The following SIPA1L3 variants were observed in gnomAD, a reference collection of about 807,000 sequenced individuals.
SIPA1L3 encodes the protein signal induced proliferation associated 1 like 3.
In SIPA1L3, 59 loss-of-function variants were observed where a neutral mutation model predicts 150.1. That is an observed-to-expected ratio of 0.39 (90% CI 0.32 to 0.49). The LOEUF is 0.49. SIPA1L3 is among the 20% of genes least tolerant of loss of function. The pLI is 0.86. For synonymous variants in SIPA1L3, 1,070 were observed against 1,077.6 expected, an observed-to-expected ratio of 0.99 and a Z score of 0.14; for missense variants, 2,211 against 2,489.5, an observed-to-expected ratio of 0.89 and a Z score of 2.38.
intron 1 of SIPA1L3, among the ~76,000 whole-genome samples, chr19:37,934,155 C>G (rs1884954056): frequency 6.6e-6 from 1 of 152,160 alleles, no homozygotes; most frequent in South Asian, 2.1e-4. Context: ...GCAATTGATT[C>G]TGTAAAAATA....
chr19:38,191,985 G>C (rs895691713), intron 16 of SIPA1L3, among the ~76,000 whole-genome samples, 160 bp from the exon 17 acceptor site: 5 of 152,168 alleles, frequency 3.3e-5, no homozygotes, highest in Admixed American at 6.6e-5. Context: ...GTGGAAGAAG[G>C]GAATGGAGCC....
At chr19:37,969,788 T>C (rs1173788821) in intron 1 of SIPA1L3, among the ~76,000 whole-genome samples, 4 of 152,162 alleles carry the variant, frequency 2.6e-5, no homozygotes. Flanking sequence ...CCCTCAGATC[T>C]TAGCCTAAAT....
chr19:38,142,799 T>G, intron 12 of SIPA1L3, 89 bp downstream of exon 12: 1 of 1,460,162 alleles, frequency 6.8e-7, no homozygotes, highest in Non-Finnish European at 9.3e-7. Context: ...CCCACAATTC[T>G]AGTTGCCATT....
At chr19:38,195,801 C>CA (rs1972912732) in intron 18 of SIPA1L3, among the ~76,000 whole-genome samples, 1 of 102,600 alleles carries the variant, frequency 9.7e-6, no homozygotes, top group Non-Finnish European at 2.0e-5. Context: ...CGTCCCCCCC[C>CA]GCCCCCCCGG....
chr19:37,973,239 T>C (rs1262465823), intron 1 of SIPA1L3, among the ~76,000 whole-genome samples: 21 of 149,578 alleles, frequency 1.4e-4, no homozygotes, highest in African/African-American at 4.9e-4. Context: ...GCGCATCTTT[T>C]TTTTTTTTTT....
intron 2 of SIPA1L3, among the ~76,000 whole-genome samples, chr19:38,055,294 G>C (rs575292586): frequency 6.6e-6 from 1 of 152,204 alleles, no homozygotes; most frequent in Non-Finnish European, 1.5e-5. Flanking sequence ...CTGTTGGGGG[G>C]TGCAGGGACA....
intron 1 of SIPA1L3, among the ~76,000 whole-genome samples, chr19:37,987,226 A>G (rs113014107): frequency 0.024 from 3,573 of 152,034 alleles, 135 homozygotes; most frequent in African/African-American, 0.079. Context: ...CCGCGCCCGG[A>G]CACATCTGCT....
At chr19:38,068,193 T>G (rs1169100431) in intron 2 of SIPA1L3, among the ~76,000 whole-genome samples, 2 of 151,756 alleles carry the variant, frequency 1.3e-5, no homozygotes, top group African/African-American at 2.4e-5. Flanking sequence ...CGGCTGATTT[T>G]TTTTCTTCAT....
At chr19:38,032,532 G>A (rs1375971947) in intron 2 of SIPA1L3, among the ~76,000 whole-genome samples, 1 of 152,178 alleles carries the variant, frequency 6.6e-6, no homozygotes, top group African/African-American at 2.4e-5. Flanking sequence ...GAATAAAACA[G>A]TAAACAGATA....
At chr19:38,117,085 C>T (rs898716437) in intron 8 of SIPA1L3, among the ~76,000 whole-genome samples, 1 of 152,194 alleles carries the variant, frequency 6.6e-6, no homozygotes, top group Non-Finnish European at 1.5e-5. Flanking sequence ...CTCCTTCCGC[C>T]CAGAAGCCTC....
At chr19:38,168,530 A>G (rs1371029026) in intron 15 of SIPA1L3, among the ~76,000 whole-genome samples, 2 of 152,140 alleles carry the variant, frequency 1.3e-5, no homozygotes, top group Admixed American at 1.3e-4. Flanking sequence ...ACGAAGAGGG[A>G]CATGAAGCCA....
chr19:37,938,303 A>G (rs981502566), intron 1 of SIPA1L3, among the ~76,000 whole-genome samples: 3 of 152,206 alleles, frequency 2.0e-5, no homozygotes, highest in African/African-American at 7.2e-5. Context: ...CCTGGTGCAC[A>G]TGGACAAGCA....
intron 2 of SIPA1L3, among the ~76,000 whole-genome samples, chr19:38,063,280 G>C (rs1969494726): frequency 1.3e-5 from 2 of 151,800 alleles, no homozygotes; most frequent in South Asian, 4.2e-4. Flanking sequence ...CCGGCCCCCA[G>C]CTCCCATCCC....
intron 9 of SIPA1L3, among the ~76,000 whole-genome samples, chr19:38,123,998 A>C (rs1288748707): frequency 2.4e-5 from 3 of 127,270 alleles, no homozygotes; most frequent in Non-Finnish European, 4.9e-5. Flanking sequence ...TCCCTCCCGG[A>C]CGGGGCGGAT....
intron 2 of SIPA1L3, among the ~76,000 whole-genome samples, chr19:38,051,392 A>G (rs1281520092): frequency 2.0e-5 from 3 of 152,138 alleles, no homozygotes; most frequent in African/African-American, 7.2e-5. Context: ...GTAGTGCTGC[A>G]GTGGGGAGCC....
intron 1 of SIPA1L3, among the ~76,000 whole-genome samples, chr19:37,944,603 G>A (rs538936374): frequency 3.3e-5 from 5 of 152,302 alleles, no homozygotes; most frequent in Admixed American, 2.0e-4. Flanking sequence ...TAGCATGTTT[G>A]TTAAGTACAG....
At chr19:37,947,941 G>A (rs1271451740) in intron 1 of SIPA1L3, among the ~76,000 whole-genome samples, 1 of 152,204 alleles carries the variant, frequency 6.6e-6, no homozygotes, top group Non-Finnish European at 1.5e-5. Flanking sequence ...CAAGACTTCT[G>A]TGGCAATGTC....
rs1167985202 is a variant in SIPA1L3 at position 38,100,378 on chromosome 19, G to A, written c.1854+228G>A. Among the ~76,000 whole-genome samples, 7 of 152,202 alleles carry A rather than the reference G, an allele frequency of 4.6e-5. No individual in the cohort carries two copies. The East Asian group carries it at 1.3e-3, about 29-fold the overall frequency. The stretch of plus-strand genomic sequence containing the variant: ...GAGATTGTCTGGGGGTGAGATAGCT[G>A]CTAGGTCCCCATGTGTGCATGCATA... On this transcript the variant is annotated intron_variant, in intron 5 of 21. Coordinates refer to ENST00000222345, the MANE Select transcript of SIPA1L3 (RefSeq NM_015073.3).
intron 1 of SIPA1L3, among the ~76,000 whole-genome samples, chr19:37,987,876 C>A (rs935805182): frequency 3.3e-5 from 5 of 152,190 alleles, no homozygotes; most frequent in African/African-American, 1.2e-4. Context: ...GGATAATAAA[C>A]GGAGCTTGGT....
Sources: allele counts gnomAD v4.1 joint callset (sites outside exome capture counted in the v4.1 genomes callset), GRCh38; gene constraint gnomAD v4.1.1; transcripts MANE v1.5; gene names NCBI Gene and HGNC (gene_info 2026-07-23, HGNC 2026-07-21).